The following GALK2 variants were observed in gnomAD, a reference collection of about 807,000 sequenced individuals.
The protein encoded by GALK2 is galactokinase 2, also known as N-acetylgalactosamine kinase.
A neutral mutation model predicts 52.4 loss-of-function variants in GALK2; 36 were observed. The ratio of observed to expected loss-of-function variants is 0.69; its 90% CI spans 0.53 to 0.91. The LOEUF is 0.91. GALK2 is among the 40% of genes least tolerant of loss of function. The pLI, the probability that GALK2 is intolerant of heterozygous loss-of-function variation, is 0.00. For missense variants in GALK2, 579 were observed against 559.1 expected, an observed-to-expected ratio of 1.04 and a Z score of -0.36; for synonymous variants, 176 against 199.1, an observed-to-expected ratio of 0.88 and a Z score of 0.98.
At chr15:49,197,012 A>G (rs2087292519) in intron 1 of GALK2, among the ~76,000 whole-genome samples, 1 of 152,212 alleles carries the variant, frequency 6.6e-6, no homozygotes, top group Admixed American at 6.5e-5. Context: ...GCCTGAGCCC[A>G]GGAGTTCTAG....
chr15:49,226,556 TG>T (rs1245670501), intron 3 of GALK2: 2 of 151,642 alleles, frequency 1.3e-5, no homozygotes, highest in Admixed American at 6.6e-5. Flanking sequence ...TAACCCTTTA[TG>T]TTTTTTTTTA....
At chr15:49,162,148 C>A (rs774465736) in intron 1 of GALK2, among the ~76,000 whole-genome samples, 20 of 152,308 alleles carry the variant, frequency 1.3e-4, no homozygotes, top group South Asian at 8.3e-4. Context: ...TCTCCTCCCC[C>A]CTTAACTTTT....
intron 9 of GALK2, among the ~76,000 whole-genome samples, chr15:49,320,717 C>A (rs1382368999): frequency 1.3e-5 from 2 of 152,214 alleles, no homozygotes; most frequent in African/African-American, 4.8e-5. Flanking sequence ...GACTTGAACA[C>A]AGCATTGATG....
intron 2 of GALK2, among the ~76,000 whole-genome samples, chr15:49,213,035 T>A (rs1326693883): frequency 6.6e-6 from 1 of 152,206 alleles, no homozygotes; most frequent in Non-Finnish European, 1.5e-5. Flanking sequence ...TTAAGTCTGA[T>A]GTTTCTTTGT....
At chr15:49,309,811 G>C (rs112511962) in intron 8 of GALK2, among the ~76,000 whole-genome samples, 1 of 151,986 alleles carries the variant, frequency 6.6e-6, no homozygotes, top group Non-Finnish European at 1.5e-5. Flanking sequence ...GTAGAGACAG[G>C]TTTCTCCATG....
intron 8 of GALK2, among the ~76,000 whole-genome samples, chr15:49,311,405 TTTGA>T (rs1222491327): frequency 6.6e-6 from 1 of 152,234 alleles, no homozygotes; most frequent in African/African-American, 2.4e-5. Flanking sequence ...AGCCCATTGC[TTTGA>T]TTTTCTCTCC....
intron 8 of GALK2, among the ~76,000 whole-genome samples, chr15:49,300,248 A>C (rs2034991090): frequency 1.3e-5 from 2 of 151,986 alleles, no homozygotes; most frequent in East Asian, 3.9e-4. Context: ...GTCTGAAATA[A>C]GAATAGCAAC....
At chr15:49,178,983 A>C (rs1028403813) in intron 1 of GALK2, among the ~76,000 whole-genome samples, 1 of 151,994 alleles carries the variant, frequency 6.6e-6, no homozygotes, top group Non-Finnish European at 1.5e-5. Context: ...TCATTCTTCT[A>C]TTCAACCTAT....
intron 5 of GALK2, among the ~76,000 whole-genome samples, chr15:49,263,471 A>G (rs1381732414): frequency 2.9e-5 from 3 of 102,328 alleles, no homozygotes; most frequent in Admixed American, 9.2e-5. Flanking sequence ...GTCTCTGCAC[A>G]TGAGATGGGT....
rs572021537 is a variant in GALK2, at chr15:49,221,979, T to C, written c.266+4666T>C. 2.0e-5 allele frequency among the ~76,000 whole-genome samples: 3 copies of C among 152,298 alleles called. No homozygotes were observed. The East Asian group carries it at 5.8e-4, about 29-fold the overall frequency. ...TTTCATAGGGATTGCATTGAATTTGTAGACTGCTTTGGGCAGTATGTTCAT... is the reference window on the plus strand; with the variant it reads ...TTTCATAGGGATTGCATTGAATTTGCAGACTGCTTTGGGCAGTATGTTCAT... On this transcript the variant is annotated intron_variant, in intron 3 of 9. Transcript: ENST00000560031.
intron 3 of GALK2, among the ~76,000 whole-genome samples, chr15:49,346,810 C>T (rs1035848248): frequency 3.3e-5 from 5 of 152,182 alleles, no homozygotes; most frequent in Non-Finnish European, 7.3e-5. Flanking sequence ...CACTAGAATG[C>T]ACTTAGTTCT....
At chr15:49,357,665 A>G (rs2151372406) in intron 3 of GALK2, among the ~76,000 whole-genome samples, 1 of 151,392 alleles carries the variant, frequency 6.6e-6, no homozygotes, top group Non-Finnish European at 1.5e-5. Context: ...AGGTACAAGG[A>G]GGAACTGGTA....
At chr15:49,207,150 C>G (rs2088362089) in intron 2 of GALK2, among the ~76,000 whole-genome samples, 1 of 152,118 alleles carries the variant, frequency 6.6e-6, no homozygotes, top group South Asian at 2.1e-4. Context: ...TATAGACTTG[C>G]CTATGTTAAA....
At chr15:49,296,962 T>C (rs554886252) in intron 8 of GALK2, among the ~76,000 whole-genome samples, 3 of 152,350 alleles carry the variant, frequency 2.0e-5, no homozygotes, top group South Asian at 4.1e-4. Flanking sequence ...ATGGGATTGC[T>C]GAGTTGAATG....
chr15:49,212,471 A>T (rs1371668375), intron 2 of GALK2, among the ~76,000 whole-genome samples: 1 of 151,264 alleles, frequency 6.6e-6, no homozygotes. Context: ...AATTTCATTG[A>T]TTTTTTTTTG....
intron 2 of GALK2, among the ~76,000 whole-genome samples, chr15:49,204,509 C>A (rs914444816): frequency 6.6e-6 from 1 of 151,936 alleles, no homozygotes; most frequent in Non-Finnish European, 1.5e-5. Context: ...CAATTTCTTT[C>A]ATCAGTGTTT....
At position 49,155,929 on chromosome 15, in the gene GALK2, C is replaced by G. The variant is rs895058875; in HGVS notation, c.-68C>G. ...CTCCTCCCTTGCTTGGGACTCTGGA[C>G]GCATCTCATTCCGGTGAAAGTAAGG... On this transcript the variant is annotated 5_prime_UTR_variant, in exon 1 of 10. Coordinates refer to the GALK2 transcript ENST00000327171. 5.8e-6 allele frequency: 9 copies of G among 1,546,870 alleles called. No individual in the cohort carries two copies. The African/African-American group carries it at 1.1e-4, about 19-fold the overall frequency.
chr15:49,331,486 A>G lies in GALK2; in HGVS notation c.*3327A>G. The G allele has an allele frequency of 3.2e-6, 1 of 312,406 alleles. No individual in the cohort carries two copies. The highest frequency in any genetic ancestry group is 5.8e-5 in the South Asian group (1 of 17,108). 19.4% of individuals were successfully genotyped at this position (312,406 alleles called of 1,614,324 possible). ...TTGAATTATTAATGAAAAACTTACAATTTTAAACATCAGTGATTATTAGTT... is the reference window on the plus strand; with the variant it reads ...TTGAATTATTAATGAAAAACTTACAGTTTTAAACATCAGTGATTATTAGTT... On this transcript the variant is annotated 3_prime_UTR_variant, in exon 10 of 10. Transcript: ENST00000560031.
intron 3 of GALK2, among the ~76,000 whole-genome samples, chr15:49,355,436 G>A (rs2042983119): frequency 6.6e-6 from 1 of 152,202 alleles, no homozygotes; most frequent in African/African-American, 2.4e-5. Context: ...AGAACTACGT[G>A]AAGAATGCAG....
Sources: gnomAD v4.1 joint callset for allele counts (sites outside exome capture counted in the v4.1 genomes callset) on GRCh38, gnomAD v4.1.1 for gene constraint, MANE v1.5 for transcripts, NCBI Gene and HGNC (gene_info 2026-07-23, HGNC 2026-07-21) for gene names.